AOPEP: variants seen among roughly 807,000 people sequenced by gnomAD.
The protein encoded by AOPEP is aminopeptidase O.
A neutral mutation model predicts 98.1 loss-of-function variants in AOPEP; 77 were observed. That is an observed-to-expected ratio of 0.78 (90% CI 0.65 to 0.95). The LOEUF is 0.95. Among genes scored for constraint, AOPEP ranks in the 40% least tolerant of loss-of-function variants. The probability of loss-of-function intolerance (pLI) is 0.00; values close to 1 mark genes in which losing one functional copy is unlikely to be tolerated. For synonymous variants in AOPEP, 346 were observed against 365.3 expected (o/e 0.95, Z 0.60); for missense variants, 1,024 against 1,024.7 (o/e 1.00, Z 0.01).
the AOPEP span, among the ~76,000 whole-genome samples, chr9:95,139,822 A>ATG: frequency 6.8e-6 from 1 of 146,646 alleles, no homozygotes; most frequent in East Asian, 2.0e-4. Context: ...GACAAAATGA[A>ATG]TATATATATA....
chr9:94,887,820 T>TC (rs1564325872), intron 5 of AOPEP, among the ~76,000 whole-genome samples: 1 of 152,158 alleles, frequency 6.6e-6, no homozygotes, highest in African/African-American at 2.4e-5. Context: ...GCTTTTTTTT[T>TC]CTGAAACTTC....
intron 13 of AOPEP, among the ~76,000 whole-genome samples, chr9:95,014,914 C>T (rs1036501577): frequency 5.3e-5 from 8 of 152,102 alleles, no homozygotes; most frequent in African/African-American, 1.9e-4. Flanking sequence ...TACATAAGTC[C>T]CCCACGTAAG....
In AOPEP at chr9:94,887,605, G is replaced by A. The variant is rs1465415903; in HGVS notation, c.1365-36381G>A. Among the ~76,000 whole-genome samples, 84 of 152,200 alleles carry A rather than the reference G, an allele frequency of 5.5e-4. 1 individual carries two copies. The highest frequency in any genetic ancestry group is 4.4e-5 in the Non-Finnish European group (3 of 68,016). On this transcript the variant is annotated intron_variant, in intron 5 of 16. Coordinates refer to ENST00000375315, the MANE Select transcript of AOPEP (RefSeq NM_001193329.3). ...AAAGTGCTAAACCTATCAAGAGGCT[G>A]CTACTAGATTGAGAGTGTTGGGAGG...
intron 13 of AOPEP, among the ~76,000 whole-genome samples, chr9:95,008,215 C>T (rs944860177): frequency 2.0e-5 from 3 of 152,156 alleles, no homozygotes; most frequent in Non-Finnish European, 4.4e-5. Flanking sequence ...CCTCCAGCCC[C>T]GAAGGGTCTG....
chr9:94,866,959 T>C (rs2045771946), intron 5 of AOPEP, among the ~76,000 whole-genome samples: 1 of 152,252 alleles, frequency 6.6e-6, no homozygotes, highest in African/African-American at 2.4e-5. Flanking sequence ...TATTTCTGGC[T>C]GTATGTCATT....
intron 3 of AOPEP, among the ~76,000 whole-genome samples, chr9:94,785,226 C>T (rs757438305): frequency 2.6e-5 from 4 of 152,254 alleles, no homozygotes; most frequent in African/African-American, 4.8e-5. Flanking sequence ...TGAGCCACTG[C>T]GCCCGGCCCA....
At chr9:94,756,567 C>G (rs1803553761) in intron 1 of AOPEP, among the ~76,000 whole-genome samples, 1 of 152,082 alleles carries the variant, frequency 6.6e-6, no homozygotes, top group Admixed American at 6.5e-5. Flanking sequence ...AGAAAAATGT[C>G]AAATGAAACA....
chr9:95,100,364 C>T, the AOPEP span: 2 of 231,722 alleles, frequency 8.6e-6, no homozygotes, highest in Non-Finnish European at 1.7e-5. Context: ...TCCAGATCTT[C>T]AGTGGATCTA....
At chr9:95,069,299 G>A (rs4744436) in intron 14 of AOPEP, among the ~76,000 whole-genome samples, 116,789 of 152,122 alleles carry the variant, frequency 0.77, 46,231 homozygotes, top group Non-Finnish European at 0.87. Context: ...GGAAGGGGAC[G>A]AGTGTCTGCA....
rs866765653 is a variant in AOPEP at position 95,063,797 on chromosome 9, T to C, written c.2232+2987T>C. On this transcript the variant is annotated intron_variant, in intron 14 of 16. Coordinates refer to ENST00000375315, the MANE Select transcript of AOPEP (RefSeq NM_001193329.3). ...TGTTGTGACTGTGTCTTCTCCGGGGTGCTGCTTCACTGGAGGTCTCCCTTC... is the reference window on the plus strand; with the variant it reads ...TGTTGTGACTGTGTCTTCTCCGGGGCGCTGCTTCACTGGAGGTCTCCCTTC... Among the ~76,000 whole-genome samples, 6 of 152,002 alleles carry C rather than the reference T, an allele frequency of 3.9e-5. No homozygotes were observed. The South Asian group carries it at 1.3e-3, about 32-fold the overall frequency.
chr9:95,036,143 G>T (rs1054562326), intron 13 of AOPEP, among the ~76,000 whole-genome samples: 5 of 152,182 alleles, frequency 3.3e-5, no homozygotes, highest in Admixed American at 2.0e-4. Flanking sequence ...TCCTTTGTGA[G>T]GATGTGCATA....
the AOPEP span, among the ~76,000 whole-genome samples, chr9:95,148,598 G>A: frequency 2.0e-5 from 3 of 152,144 alleles, no homozygotes; most frequent in African/African-American, 7.2e-5. Flanking sequence ...TGAGCTCCAT[G>A]GTGGCAGTAA....
chr9:95,036,451 G>T (rs950116186), intron 13 of AOPEP, among the ~76,000 whole-genome samples: 8 of 152,166 alleles, frequency 5.3e-5, no homozygotes, highest in African/African-American at 1.7e-4. Flanking sequence ...ATAGTTGGGG[G>T]TTGGGGTGAG....
intron 1 of AOPEP, among the ~76,000 whole-genome samples, chr9:94,758,345 AC>A (rs952438761): frequency 7.9e-5 from 12 of 152,306 alleles, no homozygotes; most frequent in Non-Finnish European, 1.2e-4. Flanking sequence ...GTAGCTAGAA[AC>A]TGGATTGTAC....
intron 11 of AOPEP, among the ~76,000 whole-genome samples, chr9:94,990,555 T>C (rs367749070): frequency 6.6e-6 from 1 of 152,098 alleles, no homozygotes; most frequent in African/African-American, 2.4e-5. Context: ...CATTTTCTCT[T>C]TTATTAGGCT....
intron 9 of AOPEP, among the ~76,000 whole-genome samples, chr9:94,957,270 C>T (rs1007910083): frequency 3.4e-4 from 52 of 152,120 alleles, no homozygotes; most frequent in African/African-American, 1.1e-3. Flanking sequence ...TGCAGTGGTG[C>T]GATCGCGGCT....
At chr9:94,888,370 T>C (rs2048481663) in intron 5 of AOPEP, among the ~76,000 whole-genome samples, 1 of 148,986 alleles carries the variant, frequency 6.7e-6, no homozygotes, top group Non-Finnish European at 1.5e-5. Flanking sequence ...TCACAGAAAG[T>C]TGCAAAGACC....
the AOPEP span, among the ~76,000 whole-genome samples, chr9:95,105,032 C>T: frequency 2.0e-5 from 3 of 152,228 alleles, no homozygotes; most frequent in African/African-American, 7.2e-5. Flanking sequence ...TAAGAGTACA[C>T]AATAGATTCT....
rs1157040505 is a variant in AOPEP, at chr9:94,909,549, T to C, written c.1365-14437T>C. On this transcript the variant is annotated intron_variant, in intron 5 of 16. Transcript: ENST00000375315. ...AAACAAAGAAAAGGAACGATGAGGC[T>C]GAAACTTAAGGGTAGCCATTTGTCA... is the stretch of plus-strand genomic sequence containing the variant. 3.9e-5 allele frequency among the ~76,000 whole-genome samples: 6 copies of C among 152,288 alleles called. No homozygotes were observed. The East Asian group carries it at 5.8e-4, about 15-fold the overall frequency.
Sources: gnomAD v4.1 joint callset for allele counts (sites outside exome capture counted in the v4.1 genomes callset) on GRCh38, gnomAD v4.1.1 for gene constraint, MANE v1.5 for transcripts, NCBI Gene and HGNC (gene_info 2026-07-23, HGNC 2026-07-21) for gene names.